The following GRIP1 variants were observed in gnomAD, a reference collection of about 807,000 sequenced individuals.
GRIP1 encodes glutamate receptor-interacting protein 1.
GRIP1 carries 45 observed loss-of-function variants against 129.9 expected under a neutral mutation model. The observed-to-expected ratio is 0.35, with a 90% CI of 0.27 to 0.44. GRIP1 has a LOEUF of 0.44. Ranked by LOEUF, GRIP1 falls within the 20% of genes least tolerant of loss-of-function variation. The pLI is 1.00. For missense variants in GRIP1, 1,196 were observed against 1,396.8 expected, an observed-to-expected ratio of 0.86 and a Z score of 2.29; for synonymous variants, 530 against 520.8, an observed-to-expected ratio of 1.02 and a Z score of -0.24.
chr12:66,706,795 T>G (rs986834878), intron 1 of GRIP1, among the ~76,000 whole-genome samples: 7 of 151,608 alleles, frequency 4.6e-5, no homozygotes, highest in African/African-American at 1.7e-4. Context: ...ATGCTCTCAC[T>G]CAAAAGTAGG....
intron 1 of GRIP1, among the ~76,000 whole-genome samples, chr12:66,757,268 A>G (rs1235923735): frequency 6.6e-6 from 1 of 152,074 alleles, no homozygotes; most frequent in African/African-American, 2.4e-5. Flanking sequence ...AGCCTCTGGT[A>G]ACCACCTCAC....
At chr12:66,685,960 T>G (rs951443309) in intron 1 of GRIP1, among the ~76,000 whole-genome samples, 1 of 152,222 alleles carries the variant, frequency 6.6e-6, no homozygotes, top group Non-Finnish European at 1.5e-5. Flanking sequence ...AATAAACTTT[T>G]GTCGAATAAA....
intron 1 of GRIP1, among the ~76,000 whole-genome samples, chr12:66,921,489 T>A (rs1372932437): frequency 3.3e-5 from 5 of 152,202 alleles, no homozygotes; most frequent in Non-Finnish European, 7.3e-5. Flanking sequence ...CCCAGGTGAA[T>A]CCACCTTCCC....
intron 24 of GRIP1, among the ~76,000 whole-genome samples, chr12:66,351,593 C>T (rs7967591): frequency 0.022 from 3,220 of 147,444 alleles, 135 homozygotes; most frequent in African/African-American, 0.076. Flanking sequence ...CACTCTGCAC[C>T]CAGGCTGGAG....
At chr12:66,944,248 C>T (rs77316552) in intron 1 of GRIP1, among the ~76,000 whole-genome samples, 2,863 of 152,224 alleles carry the variant, frequency 0.019, 109 homozygotes, top group African/African-American at 0.066. Flanking sequence ...AAAGGTCCTC[C>T]CAGCTCTCAT....
At chr12:67,039,732 G>C (rs555526998) in intron 1 of GRIP1, among the ~76,000 whole-genome samples, 1 of 152,236 alleles carries the variant, frequency 6.6e-6, no homozygotes, top group Non-Finnish European at 1.5e-5. Flanking sequence ...AAACCTTTAA[G>C]CACCAAAACA....
At chr12:66,736,917 ATTTTTTT>A (rs3051135) in intron 1 of GRIP1, among the ~76,000 whole-genome samples, 1 of 140,258 alleles carries the variant, frequency 7.1e-6, no homozygotes, top group South Asian at 2.3e-4. Context: ...TTTGCAAGTC[ATTTTTTT>A]TTTTTTTTTT....
intron 1 of GRIP1, among the ~76,000 whole-genome samples, chr12:66,959,322 T>C (rs544934140): frequency 4.9e-4 from 74 of 152,314 alleles, no homozygotes; most frequent in African/African-American, 1.7e-3. Context: ...CACATTTACA[T>C]TTTGCAATTT....
At chr12:66,591,402 T>C (rs2063841316) in intron 2 of GRIP1, among the ~76,000 whole-genome samples, 2 of 152,312 alleles carry the variant, frequency 1.3e-5, no homozygotes, top group South Asian at 2.1e-4. Context: ...CTCATTGTCC[T>C]CACTTTGGCC....
chr12:66,476,921 A>C (rs186752938), intron 7 of GRIP1, among the ~76,000 whole-genome samples: 2 of 152,368 alleles, frequency 1.3e-5, no homozygotes, highest in African/African-American at 4.8e-5. Flanking sequence ...AGCCAATATC[A>C]TACTGAATGG....
chr12:66,690,699 C>T (rs1372615771), intron 1 of GRIP1, among the ~76,000 whole-genome samples: 1 of 148,882 alleles, frequency 6.7e-6, no homozygotes, highest in African/African-American at 2.5e-5. Flanking sequence ...GACCTTGTCT[C>T]TAATAAAAAT....
In GRIP1 at chr12:66,420,808, A is replaced by G. The variant is rs201453831; in HGVS notation, c.1769-19T>C. ...GATGGTGCTGTAATAATGGAGATAG[A>G]ATAATCACATCTTTATATCCATTAT... On this transcript the variant is annotated intron_variant, in intron 14 of 24. Transcript: ENST00000359742. 3.6e-5 allele frequency: 49 copies of G among 1,358,636 alleles called. No individual in the cohort carries two copies. The African/African-American group carries it at 6.5e-4, about 18-fold the overall frequency. The allele number at this position is 1,358,636 out of a possible 1,614,324, so 84.2% of individuals were successfully genotyped here. A position where few individuals can be genotyped will look rare whatever the true frequency, so the allele number is the denominator to read the frequency against.
chr12:66,573,786 C>T (rs930537637), intron 2 of GRIP1, among the ~76,000 whole-genome samples: 2 of 152,290 alleles, frequency 1.3e-5, no homozygotes, highest in Admixed American at 1.3e-4. Context: ...GCTGGACACA[C>T]ATGTACAGGG....
At chr12:66,784,211 C>T (rs751684287) in intron 1 of GRIP1, among the ~76,000 whole-genome samples, 4 of 151,786 alleles carry the variant, frequency 2.6e-5, no homozygotes, top group Non-Finnish European at 4.4e-5. Context: ...CCAGCTATAC[C>T]CCAAGGATGA....
chr12:66,993,798 A>C (rs2135653872), intron 1 of GRIP1, among the ~76,000 whole-genome samples: 1 of 152,128 alleles, frequency 6.6e-6, no homozygotes, highest in South Asian at 2.1e-4. Context: ...CAAAAAAAAA[A>C]AAAAAAAAAA....
At chr12:66,928,822 G>C (rs1417815355) in intron 1 of GRIP1, among the ~76,000 whole-genome samples, 1 of 152,166 alleles carries the variant, frequency 6.6e-6, no homozygotes, top group African/African-American at 2.4e-5. Context: ...CAAACCCTTA[G>C]TGAAATTAAT....
chr12:66,535,701 T>C (rs1009847548), intron 4 of GRIP1, among the ~76,000 whole-genome samples: 4 of 152,220 alleles, frequency 2.6e-5, no homozygotes, highest in African/African-American at 9.7e-5. Context: ...TAGTCTTAAA[T>C]TGATTTTGTT....
intron 1 of GRIP1, among the ~76,000 whole-genome samples, chr12:67,055,310 G>T (rs988719385): frequency 6.6e-6 from 1 of 152,214 alleles, no homozygotes; most frequent in African/African-American, 2.4e-5. Flanking sequence ...GGGCCAGAGG[G>T]AATGGGATGT....
chr12:66,364,721 C>G (rs2055032141), intron 23 of GRIP1, among the ~76,000 whole-genome samples: 1 of 152,184 alleles, frequency 6.6e-6, no homozygotes, highest in Admixed American at 6.5e-5. Context: ...TCACTCCTTT[C>G]ACATGAAAAA....
Sources: gnomAD v4.1 joint callset for allele counts (sites outside exome capture counted in the v4.1 genomes callset) on GRCh38, gnomAD v4.1.1 for gene constraint, MANE v1.5 for transcripts, NCBI Gene and HGNC (gene_info 2026-07-23, HGNC 2026-07-21) for gene names.